The following VASP variants were observed in gnomAD, a reference collection of about 807,000 sequenced individuals.
The protein encoded by VASP is vasodilator stimulated phosphoprotein.
VASP carries 27 observed loss-of-function variants against 54.4 expected under a neutral mutation model. The ratio of observed to expected loss-of-function variants is 0.50; its 90% CI spans 0.37 to 0.68. VASP has a LOEUF of 0.68. VASP is among the 30% of genes least tolerant of loss of function. The probability of loss-of-function intolerance (pLI) is 0.00; values close to 1 mark genes in which losing one functional copy is unlikely to be tolerated. For synonymous variants in VASP, 233 were observed against 209.8 expected (o/e 1.11, Z -0.96); for missense variants, 488 against 528.3 (o/e 0.92, Z 0.75).
Position 45,526,133 on chromosome 19 carries a change from C to T in VASP, c.1106-7C>T. 6.2e-7 allele frequency: 1 copy of T among 1,613,890 alleles called. No homozygotes were observed. The highest frequency in any genetic ancestry group is 8.5e-7 in the Non-Finnish European group (1 of 1,179,970). ...GCCCCTGACCTCTGCTCCTTGTTTC[C>T]TTCCAGCCTTCGTCCAGGAGCTGAG... On this transcript the variant is annotated splice_polypyrimidine_tract_variant and splice_region_variant and intron_variant, in intron 12 of 12. Transcript: ENST00000245932.
At chr19:45,516,983 C>CAAAGAA (rs1968715122) in intron 1 of VASP, among the ~76,000 whole-genome samples, 1 of 57,868 alleles carries the variant, frequency 1.7e-5, no homozygotes, top group Non-Finnish European at 3.3e-5. Context: ...GACTCTGTCT[C>CAAAGAA]AAAAAAAAAA....
intron 1 of VASP, among the ~76,000 whole-genome samples, chr19:45,516,345 G>C (rs1317975024): frequency 3.3e-5 from 5 of 152,260 alleles, no homozygotes. Flanking sequence ...CCAGGCGAGG[G>C]GTGGGCAGCG....
rs772970138 is a variant in VASP, at chr19:45,524,086, C to G, written c.911-11C>G. ...TGTCCCTGATCTTTCTGATTTCTTG[C>G]CTATCCCCAGAATCTGTGCGGAGAC... is the stretch of plus-strand genomic sequence containing the variant. On this transcript the variant is annotated splice_polypyrimidine_tract_variant and intron_variant, in intron 9 of 12. Transcript: ENST00000245932. 1.2e-5 allele frequency: 19 copies of G among 1,613,876 alleles called. No homozygotes were observed. The South Asian group carries it at 2.0e-4, about 17-fold the overall frequency.
chr19:45,518,383 T>TG (rs1968755027), intron 3 of VASP, among the ~76,000 whole-genome samples: 1 of 151,894 alleles, frequency 6.6e-6, no homozygotes, highest in African/African-American at 2.4e-5. Context: ...CCCAACATGG[T>TG]GAAATTGCGT....
intron 11 of VASP, 32 bp from the exon 12 acceptor site, chr19:45,525,914 C>A: frequency 1.3e-6 from 2 of 1,596,186 alleles, no homozygotes; most frequent in Middle Eastern, 1.7e-4. Flanking sequence ...CCCGGTACCC[C>A]CTCCTGATTA....
At chr19:45,522,920 A>G (rs1968874970) in intron 7 of VASP, 102 bp downstream of exon 7, 7 of 1,224,606 alleles carry the variant, frequency 5.7e-6, no homozygotes, top group Non-Finnish European at 5.6e-6. Context: ...CTTTTGGTGA[A>G]TGTTCCCCCT....
Position 45,507,704 on chromosome 19 carries a change from G to C in VASP, c.-68G>C, listed in dbSNP as rs1968514361. On this transcript the variant is annotated 5_prime_UTR_variant, in exon 1 of 13. Transcript: ENST00000245932. The surrounding 1 kb of genome is among the most constrained non-coding windows in gnomAD (Gnocchi z 4.4). ...AGCCCGGAGCCAGCCCCGAACCCCT[G>C]AACCTCCAGCCAGGGGCGCCCCGGG... is the stretch of plus-strand genomic sequence containing the variant. 2 of 1,514,416 alleles carry C rather than the reference G, an allele frequency of 1.3e-6. No individual in the cohort carries two copies. Among genetic ancestry groups the C allele is most frequent in the Admixed American group, 4.0e-5 (2 of 49,882 alleles). 93.8% of individuals were successfully genotyped at this position (1,514,416 alleles called of 1,614,324 possible). A position where few individuals can be genotyped will look rare whatever the true frequency, so the allele number is the denominator to read the frequency against.
intron 3 of VASP, 48 bp downstream of exon 3, chr19:45,518,142 G>A: frequency 2.5e-6 from 4 of 1,582,142 alleles, no homozygotes; most frequent in Non-Finnish European, 3.4e-6. Context: ...CGGCTGTGTG[G>A]CCTGGGGCTG....
intron 1 of VASP, among the ~76,000 whole-genome samples, chr19:45,509,756 G>C (rs1968563661): frequency 6.6e-6 from 1 of 152,220 alleles, no homozygotes; most frequent in African/African-American, 2.4e-5. Context: ...AGGACAGCCA[G>C]AATTCAAAAC....
intron 3 of VASP, among the ~76,000 whole-genome samples, chr19:45,519,215 C>T (rs936282962): frequency 8.5e-5 from 13 of 152,232 alleles, no homozygotes; most frequent in Non-Finnish European, 1.5e-4. Context: ...AAGGTTTCAC[C>T]GTGTTAGCCA....
intron 1 of VASP, among the ~76,000 whole-genome samples, chr19:45,511,005 G>A (rs1387646410): frequency 6.7e-6 from 1 of 150,318 alleles, no homozygotes; most frequent in African/African-American, 2.4e-5. Flanking sequence ...AAAAAGGAAC[G>A]TGCTTTCACT....
rs1175244045 is a variant in VASP at position 45,507,491 on chromosome 19, G to GT, written c.-280dup. The GT allele has an allele frequency of 1.4e-5, 7 of 498,720 alleles. No homozygotes were observed. The highest frequency in any genetic ancestry group is 2.5e-5 in the Non-Finnish European group (7 of 282,554). 30.9% of individuals were successfully genotyped at this position (498,720 alleles called of 1,614,324 possible). On this transcript the variant is annotated 5_prime_UTR_variant, in exon 1 of 13. Coordinates refer to ENST00000245932, the MANE Select transcript of VASP (RefSeq NM_003370.4). The surrounding 1 kb of genome is among the most constrained non-coding windows in gnomAD (Gnocchi z 4.4). ...AACGAAGAGAAGTACAGTAGTAAGA[G>GT]TAACACTGTAGCCGCCACCGGCAAG...
At chr19:45,513,468 C>CTTTTTTGTTTTTTTTTTTTTTTTTT (rs1968640651) in intron 1 of VASP, among the ~76,000 whole-genome samples, 1 of 92,766 alleles carries the variant, frequency 1.1e-5, no homozygotes, top group Non-Finnish European at 2.0e-5. Context: ...AGTCTCTCTC[C>CTTTTTTGTTTTTTTTTTTTTTTTTT]TTTTTTTTTT....
At chr19:45,519,936 ACT>A (rs375999422) in intron 3 of VASP, among the ~76,000 whole-genome samples, 3 of 92,860 alleles carry the variant, frequency 3.2e-5, no homozygotes, top group African/African-American at 1.3e-4. Context: ...ATGGAGTCTC[ACT>A]CTGTCTCTCA....
chr19:45,523,655 C>A lies in VASP; in HGVS notation c.833C>A (p.Thr278Lys). The change falls in exon 8 of 13, where the codon ACG (threonine) becomes AAG (lysine). Residue 278 changes from threonine (T) to lysine (K), a missense_variant. By Grantham distance (78) the Thr-to-Lys change is moderately conservative. Transcript: ENST00000245932. The part of the protein sequence containing the change: ...NAMLARRRKA[T>K]QVGEKTPKDE... ...TTTCTCTCCTGCAGAAGGAAAGCCA[C>A]GCAAGTTGGGGAGAAAACCCCCAAG... 1 of 1,613,968 alleles carries A rather than the reference C, an allele frequency of 6.2e-7. No homozygotes were observed. The highest frequency in any genetic ancestry group is 8.5e-7 in the Non-Finnish European group (1 of 1,180,020).
chr19:45,508,461 G>C (rs1024418123), intron 1 of VASP, among the ~76,000 whole-genome samples: 23 of 151,968 alleles, frequency 1.5e-4, no homozygotes, highest in Non-Finnish European at 2.8e-4. Context: ...GCCTAGGACC[G>C]AGCGGGCGCT....
intron 1 of VASP, among the ~76,000 whole-genome samples, chr19:45,511,678 G>T (rs1259177818): frequency 6.6e-6 from 1 of 152,138 alleles, no homozygotes; most frequent in Non-Finnish European, 1.5e-5. Context: ...TGGGATTTTC[G>T]TTCTGGCTTT....
Position 45,522,368 on chromosome 19 carries a change from TCCACCCCCACCACCAGGA to T in VASP, c.510_527del (p.Pro182_Gly187del). On this transcript the variant is annotated inframe_deletion, in exon 6 of 13. Transcript: ENST00000245932. ...GCCCACCTGCTCCCCCCGCTGGGGG[TCCACCCCCACCACCAGGA>T]CCTCCCCCTCCTCCAGGTCCCCCCC... 4 of 1,558,344 alleles carry T rather than the reference TCCACCCCCACCACCAGGA, an allele frequency of 2.6e-6. No homozygotes were observed. Among genetic ancestry groups the T allele is most frequent in the Non-Finnish European group, 3.5e-6 (4 of 1,150,558 alleles).
Position 45,522,718 on chromosome 19 carries a change from CAGG to C in VASP, c.728_730del (p.Glu243del), listed in dbSNP as rs1968869025. 1 of 1,603,664 alleles carries C rather than the reference CAGG, an allele frequency of 6.2e-7. No homozygotes were observed. Among genetic ancestry groups the C allele is most frequent in the Non-Finnish European group, 8.5e-7 (1 of 1,177,344 alleles). On this transcript the variant is annotated inframe_deletion and splice_region_variant, in exon 7 of 13. Transcript: ENST00000245932. ...TCCTGCCCCTTTTAAATTTCTCCAGCAGGAGGAGGCCTCAGGGGGGCCCACAGC... is the reference window on the plus strand; with the variant it reads ...TCCTGCCCCTTTTAAATTTCTCCAGCAGGAGGCCTCAGGGGGGCCCACAGC...
Sources: gnomAD v4.1 joint callset for allele counts (sites outside exome capture counted in the v4.1 genomes callset) on GRCh38, gnomAD v4.1.1 for gene constraint, Gnocchi (gnomAD v3.1) non-coding constraint, MANE v1.5 for transcripts, NCBI Gene and HGNC (gene_info 2026-07-23, HGNC 2026-07-21) for gene names.